Variants in SLC26A3 observed in about 807,000 individuals in gnomAD.
The protein encoded by SLC26A3 is solute carrier family 26 member 3.
Under a neutral mutation model 85.6 loss-of-function variants are expected in SLC26A3, and 64 were observed. The observed-to-expected ratio is 0.75, with a 90% CI of 0.61 to 0.92. The LOEUF is 0.92. Ranked by LOEUF, SLC26A3 falls within the 40% of genes least tolerant of loss-of-function variation. The pLI, the probability that SLC26A3 is intolerant of heterozygous loss-of-function variation, is 0.00. For missense variants in SLC26A3, 922 were observed against 927.3 expected (o/e 0.99, Z 0.07); for synonymous variants, 349 against 336.0 (o/e 1.04, Z -0.42).
In SLC26A3 at chr7:107,765,861, T is replaced by C. The variant is rs557178886; in HGVS notation, c.2289A>G (p.Lys763=). The stretch of plus-strand genomic sequence containing the variant: ...CTTCTGAATTATATGTTGATTAGAA[T>C]TTTGTTTCAACTGGCACCTGGAAGA... ...NRVYEVPVET[K]F is the part of the protein sequence containing the mutation. The change falls in exon 21 of 21, where the codon AAA becomes AAG. Residue 763 remains lysine, a synonymous_variant. Coordinates refer to ENST00000340010, the MANE Select transcript of SLC26A3 (RefSeq NM_000111.3). The C allele has an allele frequency of 3.1e-6, 5 of 1,610,878 alleles. No homozygotes were observed. Among genetic ancestry groups the C allele is most frequent in the Non-Finnish European group, 3.4e-6 (4 of 1,177,376 alleles).
intron 18 of SLC26A3, among the ~76,000 whole-genome samples, chr7:107,770,318 A>G (rs1227987784): frequency 2.4e-5 from 3 of 123,998 alleles, no homozygotes; most frequent in Non-Finnish European, 5.1e-5. Flanking sequence ...GTGCAGTGGC[A>G]CGATCACAGC....
rs1281306108 is a variant in SLC26A3, at chr7:107,783,250, G to A, written c.1074C>T (p.Ala358=). The change falls in exon 9 of 21, where the codon GCC becomes GCT. Residue 358 remains alanine, a synonymous_variant. Transcript: ENST00000340010. ...AATCGTATTTGAGGGAATAGACGCT[G>A]GCAACTGAAAAGGCCACTGCAAATG... The part of the protein sequence containing the change: ...MVAFAVAFSV[A]SVYSLKYDYP... 12 of 1,614,202 alleles carry A rather than the reference G, an allele frequency of 7.4e-6. No individual in the cohort carries two copies. The highest frequency in any genetic ancestry group is 1.0e-5 in the Non-Finnish European group (12 of 1,180,030).
At chr7:107,774,238 C>G in intron 16 of SLC26A3, 85 bp from the exon 17 acceptor site, 4 of 1,102,368 alleles carry the variant, frequency 3.6e-6, no homozygotes, top group Non-Finnish European at 5.5e-6. Context: ...TTCAGAAGCA[C>G]TGATTCTGAG....
intron 4 of SLC26A3, 47 bp downstream of exon 4, chr7:107,791,783 T>A: frequency 4.9e-6 from 6 of 1,228,226 alleles, no homozygotes; most frequent in African/African-American, 1.5e-5. Flanking sequence ...ATAAAATTCA[T>A]AAGGAAAAAA....
At chr7:107,772,924 C>G (rs1794050359) in intron 17 of SLC26A3, among the ~76,000 whole-genome samples, 1 of 152,148 alleles carries the variant, frequency 6.6e-6, no homozygotes, top group South Asian at 2.1e-4. Context: ...AATTTTGTAT[C>G]CAGTTCACCC....
chr7:107,790,969 G>T, intron 5 of SLC26A3, 79 bp downstream of exon 5: 1 of 1,450,262 alleles, frequency 6.9e-7, no homozygotes, highest in Non-Finnish European at 9.5e-7. Context: ...GGAGTGGCAG[G>T]GGGGAGGAAA....
intron 18 of SLC26A3, among the ~76,000 whole-genome samples, chr7:107,770,000 C>CTCCTTCTTTCTTTCTT (rs1793979476): frequency 7.6e-6 from 1 of 130,994 alleles, no homozygotes; most frequent in Admixed American, 8.1e-5. Flanking sequence ...TTCCTTTTTT[C>CTCCTTCTTTCTTTCTT]TCTTTCTTTC....
At chr7:107,782,166 T>C (rs1314284832) in intron 11 of SLC26A3, among the ~76,000 whole-genome samples, 4 of 152,144 alleles carry the variant, frequency 2.6e-5, no homozygotes, top group Non-Finnish European at 5.9e-5. Flanking sequence ...CAAGGAACAA[T>C]GTATTTACTG....
At chr7:107,791,975 T>C (rs757042687) in intron 3 of SLC26A3, 35 bp from the exon 4 acceptor site, 2 of 1,256,504 alleles carry the variant, frequency 1.6e-6, no homozygotes, top group Non-Finnish European at 2.3e-6. Context: ...CCTTACTCTG[T>C]GCAAGAGGAA....
Position 107,765,698 on chromosome 7 carries a change from A to G in SLC26A3, c.*157T>C. On this transcript the variant is annotated 3_prime_UTR_variant, in exon 21 of 21. Coordinates refer to ENST00000340010, the MANE Select transcript of SLC26A3 (RefSeq NM_000111.3). ...TATATAATTTCATACTAGATATGTG[A>G]AAAATATGCCATGCTAGAACCATCT... 1 of 570,876 alleles carries G rather than the reference A, an allele frequency of 1.8e-6. No individual in the cohort carries two copies. The highest frequency in any genetic ancestry group is 2.8e-5 in the East Asian group (1 of 35,130). The allele number at this position is 570,876 out of a possible 1,614,324, so 35.4% of individuals were successfully genotyped here.
chr7:107,791,037 A>G lies in SLC26A3; in HGVS notation c.570+11T>C. On this transcript the variant is annotated intron_variant, in intron 5 of 20. Coordinates refer to ENST00000340010, the MANE Select transcript of SLC26A3 (RefSeq NM_000111.3). ...GATTGAGGTGGGCAAGTTACATGAGAAGGTGCTCACCTGGATGATTCCAGA... is the reference window on the plus strand; with the variant it reads ...GATTGAGGTGGGCAAGTTACATGAGGAGGTGCTCACCTGGATGATTCCAGA... 1 of 1,613,056 alleles carries G rather than the reference A, an allele frequency of 6.2e-7. No homozygotes were observed. Among genetic ancestry groups the G allele is most frequent in the Non-Finnish European group, 8.5e-7 (1 of 1,179,868 alleles).
intron 18 of SLC26A3, among the ~76,000 whole-genome samples, chr7:107,770,000 C>CTCTTTCGT (rs1793979605): frequency 7.6e-6 from 1 of 130,994 alleles, no homozygotes; most frequent in African/African-American, 2.8e-5. Context: ...TTCCTTTTTT[C>CTCTTTCGT]TCTTTCTTTC....
chr7:107,789,728 A>T (rs1253961610), intron 5 of SLC26A3, 40 bp from the exon 6 acceptor site: 1 of 1,589,312 alleles, frequency 6.3e-7, no homozygotes, highest in Non-Finnish European at 8.6e-7. Context: ...ATAGATTAGG[A>T]GTATACCTCA....
chr7:107,799,681 C>G (rs73725109), intron 1 of SLC26A3, among the ~76,000 whole-genome samples: 141 of 152,258 alleles, frequency 9.3e-4, no homozygotes, highest in African/African-American at 3.2e-3. Context: ...CGTGAGCACC[C>G]GGCCCAAGGC....
chr7:107,789,345 C>T (rs1794352921), intron 6 of SLC26A3, among the ~76,000 whole-genome samples, 179 bp downstream of exon 6: 2 of 151,316 alleles, frequency 1.3e-5, no homozygotes, highest in Non-Finnish European at 2.9e-5. Context: ...TGGTCTCGAT[C>T]TCCTGATCTC....
rs1357436877 is a variant in SLC26A3 at position 107,787,424 on chromosome 7, A to G, written c.821T>C (p.Ile274Thr). ...GAAGCGCTGATTTATTTCTTTAACA[A>G]TGGATACAACCAAAAGGACAATCAG... The part of the protein sequence containing the change: ...TALIVLLVVS[I>T]VKEINQRFKD... The change falls in exon 7 of 21, where the codon ATT (isoleucine) becomes ACT (threonine). Residue 274 changes from isoleucine (I) to threonine (T), a missense_variant. Ile to Thr is a moderately conservative substitution (Grantham distance 89). Coordinates refer to ENST00000340010, the MANE Select transcript of SLC26A3 (RefSeq NM_000111.3). 1.2e-6 allele frequency: 2 copies of G among 1,614,042 alleles called. No individual in the cohort carries two copies. Among genetic ancestry groups the G allele is most frequent in the African/African-American group, 1.3e-5 (1 of 75,044 alleles).
intron 1 of SLC26A3, 114 bp from the exon 2 acceptor site, chr7:107,794,711 ATT>A: frequency 3.3e-6 from 2 of 597,644 alleles, no homozygotes. Flanking sequence ...AAAAGGCAGG[ATT>A]AAGGGACCTA....
chr7:107,774,069 T>C lies in SLC26A3; in HGVS notation c.1858A>G (p.Ile620Val), dbSNP rs1012722969. The C allele has an allele frequency of 5.0e-6, 8 of 1,614,182 alleles. No homozygotes were observed. The highest frequency in any genetic ancestry group is 6.8e-6 in the Non-Finnish European group (8 of 1,180,016). ...NNQIEVLDQP[I>V]NTTDLPFHID... is the part of the protein sequence containing the mutation. The stretch of plus-strand genomic sequence containing the variant: ...TGGAAAGGCAGGTCTGTGGTATTGA[T>C]TGGCTGGTCCAGTACTTCTATCTGA... The change falls in exon 17 of 21, where the codon ATC becomes GTC. Residue 620 changes from isoleucine to valine, a missense_variant. Ile to Val is a conservative substitution (Grantham distance 29). Coordinates refer to ENST00000340010, the MANE Select transcript of SLC26A3 (RefSeq NM_000111.3).
intron 1 of SLC26A3, among the ~76,000 whole-genome samples, chr7:107,802,178 G>C (rs1384952604): frequency 6.6e-6 from 1 of 151,192 alleles, no homozygotes; most frequent in Non-Finnish European, 1.5e-5. Context: ...CTTCAGAAAA[G>C]AGAATTATTT....
Sources: allele counts gnomAD v4.1 joint callset (sites outside exome capture counted in the v4.1 genomes callset), GRCh38; gene constraint gnomAD v4.1.1; transcripts MANE v1.5; gene names NCBI Gene and HGNC (gene_info 2026-07-23, HGNC 2026-07-21).